DPY19L3: variants seen among roughly 807,000 people sequenced by gnomAD.
The protein encoded by DPY19L3 is dpy-19 like C-mannosyltransferase 3.
A neutral mutation model predicts 92.3 loss-of-function variants in DPY19L3; 51 were observed. That is an observed-to-expected ratio of 0.55 (90% CI 0.44 to 0.70). The LOEUF is 0.70. DPY19L3 is among the 30% of genes least tolerant of loss of function. The pLI is 0.00. For synonymous variants in DPY19L3, 309 were observed against 315.2 expected (o/e 0.98, Z 0.21); for missense variants, 706 against 855.9 (o/e 0.82, Z 2.18).
rs775427000 is a variant in DPY19L3 at position 32,483,350 on chromosome 19, C to T, written c.*1110C>T. ...CTAAGTCATGCTTATTTGTAAACAACAAAGAAGAGTATATGTACCTGCTCA... is the reference window on the plus strand; with the variant it reads ...CTAAGTCATGCTTATTTGTAAACAATAAAGAAGAGTATATGTACCTGCTCA... On this transcript the variant is annotated 3_prime_UTR_variant, in exon 19 of 19. Transcript: ENST00000392250. 1 of 152,468 alleles carries T rather than the reference C, an allele frequency of 6.6e-6. No individual in the cohort carries two copies. The highest frequency in any genetic ancestry group is 2.1e-4 in the South Asian group (1 of 4,832). 9.4% of individuals were successfully genotyped at this position (152,468 alleles called of 1,614,324 possible).
chr19:32,447,151 C>T (rs1969526236), intron 8 of DPY19L3, among the ~76,000 whole-genome samples: 1 of 151,926 alleles, frequency 6.6e-6, no homozygotes, highest in Non-Finnish European at 1.5e-5. Context: ...AAGATATACA[C>T]TAAAAAAGAG....
intron 16 of DPY19L3, among the ~76,000 whole-genome samples, chr19:32,471,420 A>G (rs1461603042): frequency 6.6e-6 from 1 of 152,196 alleles, no homozygotes; most frequent in Admixed American, 6.5e-5. Flanking sequence ...CACAGCCTCC[A>G]TTAGGGGAGG....
At chr19:32,457,346 A>C (rs1969898292) in intron 10 of DPY19L3, among the ~76,000 whole-genome samples, 1 of 152,194 alleles carries the variant, frequency 6.6e-6, no homozygotes, top group African/African-American at 2.4e-5. Flanking sequence ...TACTCTTATA[A>C]ACCCGTGAGT....
At position 32,484,508 on chromosome 19, in the gene DPY19L3, A is replaced by G. The variant is rs1334188350; in HGVS notation, c.*2268A>G. On this transcript the variant is annotated 3_prime_UTR_variant, in exon 19 of 19. Transcript: ENST00000392250. Reference sequence around the variant, plus strand: ...ACCTCAAAGAATGGCTCTGTTTTCTATTGACAGAAAACCCACTTGATTTTG... The same window carrying G: ...ACCTCAAAGAATGGCTCTGTTTTCTGTTGACAGAAAACCCACTTGATTTTG... The G allele has an allele frequency of 1.3e-5, 2 of 152,122 alleles. No homozygotes were observed. Among genetic ancestry groups the G allele is most frequent in the African/African-American group, 2.4e-5 (1 of 41,428 alleles). The allele number at this position is 152,122 out of a possible 1,614,324, so 9.4% of individuals were successfully genotyped here. A position where few individuals can be genotyped will look rare whatever the true frequency, so the allele number is the denominator to read the frequency against.
rs944518949 is a variant in DPY19L3, at chr19:32,482,317, ATGTAAGTAGGTAGCCCAAACCT to A, written c.*79_*100del. On this transcript the variant is annotated 3_prime_UTR_variant, in exon 19 of 19. Coordinates refer to ENST00000392250, the MANE Select transcript of DPY19L3 (RefSeq NM_001172774.2). ...TGAAACTCAATAGATGACGTTTCCT[ATGTAAGTAGGTAGCCCAAACCT>A]TCAAGCTGTGATATGAGTAAGTTCT... 1 of 1,525,044 alleles carries A rather than the reference ATGTAAGTAGGTAGCCCAAACCT, an allele frequency of 6.6e-7. No homozygotes were observed. Among genetic ancestry groups the A allele is most frequent in the African/African-American group, 1.4e-5 (1 of 72,118 alleles). 94.5% of individuals were successfully genotyped at this position (1,525,044 alleles called of 1,614,324 possible).
In DPY19L3 at chr19:32,484,874, A is replaced by G. The variant is rs1363720644; in HGVS notation, c.*2634A>G. The G allele has an allele frequency of 6.6e-6, 1 of 152,254 alleles. No homozygotes were observed. Among genetic ancestry groups the G allele is most frequent in the Admixed American group, 6.5e-5 (1 of 15,286 alleles). 9.4% of individuals were successfully genotyped at this position (152,254 alleles called of 1,614,324 possible). On this transcript the variant is annotated 3_prime_UTR_variant, in exon 19 of 19. Coordinates refer to ENST00000392250, the MANE Select transcript of DPY19L3 (RefSeq NM_001172774.2). ...AAAAGTGATAAAGGCTGAGTTGCCA[A>G]TAAAAGTTGCTTTTAAATTAGGTGT... is the stretch of plus-strand genomic sequence containing the variant.
At chr19:32,456,426 T>C (rs746095176) in intron 10 of DPY19L3, among the ~76,000 whole-genome samples, 4 of 151,990 alleles carry the variant, frequency 2.6e-5, no homozygotes, top group Non-Finnish European at 5.9e-5. Context: ...TATTTTTAAA[T>C]TTCTAAATTT....
intron 8 of DPY19L3, among the ~76,000 whole-genome samples, chr19:32,444,565 G>A (rs1367960705): frequency 6.6e-6 from 1 of 152,074 alleles, no homozygotes; most frequent in Non-Finnish European, 1.5e-5. Flanking sequence ...AATACTTTCG[G>A]AAAAAATAGT....
chr19:32,406,178 C>A (rs1240256474), intron 1 of DPY19L3: 2 of 151,968 alleles, frequency 1.3e-5, no homozygotes, highest in African/African-American at 2.4e-5. Flanking sequence ...AGGGCCTGGG[C>A]TGCGACCCCG....
rs886359348 is a variant in DPY19L3, at chr19:32,484,231, A to C, written c.*1991A>C. ...TCTTGCAAGACAGAATCCATACTTA[A>C]CACTCTTTCCAAGACACTGTGACCA... On this transcript the variant is annotated 3_prime_UTR_variant, in exon 19 of 19. Coordinates refer to ENST00000392250, the MANE Select transcript of DPY19L3 (RefSeq NM_001172774.2). The C allele has an allele frequency of 2.6e-5, 4 of 152,626 alleles. No homozygotes were observed. Among genetic ancestry groups the C allele is most frequent in the Non-Finnish European group, 4.4e-5 (3 of 68,042 alleles). 9.5% of individuals were successfully genotyped at this position (152,626 alleles called of 1,614,324 possible).
Position 32,464,538 on chromosome 19 carries a change from G to T in DPY19L3, c.1558-190G>T, listed in dbSNP as rs191748571. On this transcript the variant is annotated intron_variant, in intron 14 of 18. Transcript: ENST00000392250. Reference sequence around the variant, plus strand: ...TATATTTACAAAGCAAAACTGTAAGGCAGAAGTGTTTAAAAAAGCCGGGCA... The same window carrying T: ...TATATTTACAAAGCAAAACTGTAAGTCAGAAGTGTTTAAAAAAGCCGGGCA... Among the ~76,000 whole-genome samples, 26 of 152,088 alleles carry T rather than the reference G, an allele frequency of 1.7e-4. No homozygotes were observed. The East Asian group carries it at 3.3e-3, about 19-fold the overall frequency.
chr19:32,407,264 T>TCCCCCCCCCC (rs148363125), intron 1 of DPY19L3, among the ~76,000 whole-genome samples: 2 of 81,314 alleles, frequency 2.5e-5, no homozygotes, highest in African/African-American at 1.0e-4. Flanking sequence ...AGGCTCCTGC[T>TCCCCCCCCCC]CCCCCCCACC....
chr19:32,423,781 A>C (rs1303255065), intron 3 of DPY19L3, among the ~76,000 whole-genome samples: 1 of 152,126 alleles, frequency 6.6e-6, no homozygotes, highest in African/African-American at 2.4e-5. Context: ...TTGGGAGGCC[A>C]AGGCGGCAGG....
chr19:32,470,137 C>T (rs1284195641), intron 16 of DPY19L3, among the ~76,000 whole-genome samples: 1 of 152,214 alleles, frequency 6.6e-6, no homozygotes, highest in East Asian at 1.9e-4. Flanking sequence ...TGACTAGATG[C>T]AGTGAGTATA....
rs201229320 is a variant in DPY19L3, at chr19:32,477,615, G to T, written c.1791G>T (p.Pro597=). 1.2e-6 allele frequency: 2 copies of T among 1,613,978 alleles called. No individual in the cohort carries two copies. The highest frequency in any genetic ancestry group is 1.7e-6 in the Non-Finnish European group (2 of 1,180,018). The change falls in exon 17 of 19, where the codon CCG becomes CCT. Residue 597 remains proline, a synonymous_variant. Coordinates refer to ENST00000392250, the MANE Select transcript of DPY19L3 (RefSeq NM_001172774.2). ...LCTGRTLTNH[P]HYEDSSLRER... ...CGGGAAGGACCCTAACCAACCACCC[G>T]CACTATGAAGACAGCAGCCTGAGAG...
intron 3 of DPY19L3, among the ~76,000 whole-genome samples, chr19:32,413,716 A>T (rs1412160455): frequency 1.3e-5 from 2 of 150,274 alleles, no homozygotes. Flanking sequence ...TCGTTTATAT[A>T]TCTTTTTTTG....
chr19:32,406,409 G>A lies in DPY19L3; in HGVS notation c.-38+500G>A, dbSNP rs1217612697. On this transcript the variant is annotated intron_variant, in intron 1 of 18. Transcript: ENST00000392250. ...GGGTCTCGCTGTCTCGCCCAGGCTG[G>A]AGTGCAGTGGCGTTATCACGGCTCA... 4 of 152,126 alleles carry A rather than the reference G, an allele frequency of 2.6e-5. No homozygotes were observed. In the East Asian group the frequency reaches 7.7e-4, roughly 29 times the overall value. The allele number at this position is 152,126 out of a possible 1,614,324, so 9.4% of individuals were successfully genotyped here.
chr19:32,422,838 A>G (rs954116576), intron 3 of DPY19L3, among the ~76,000 whole-genome samples: 5 of 152,218 alleles, frequency 3.3e-5, no homozygotes, highest in Admixed American at 6.5e-5. Flanking sequence ...TTCTAGACGA[A>G]AAGATCAAGT....
At chr19:32,470,679 T>C (rs967637370) in intron 16 of DPY19L3, among the ~76,000 whole-genome samples, 2 of 151,950 alleles carry the variant, frequency 1.3e-5, no homozygotes, top group Non-Finnish European at 2.9e-5. Flanking sequence ...AATACAAGTG[T>C]CCTATTTCCC....
Sources: gnomAD v4.1 joint callset for allele counts (sites outside exome capture counted in the v4.1 genomes callset) on GRCh38, gnomAD v4.1.1 for gene constraint, MANE v1.5 for transcripts, NCBI Gene and HGNC (gene_info 2026-07-23, HGNC 2026-07-21) for gene names.